Variants in OLFM3 observed in about 807,000 individuals in gnomAD.
OLFM3 encodes noelin-3.
In OLFM3, 20 loss-of-function variants were observed where a neutral mutation model predicts 48.6. The observed-to-expected ratio is 0.41, with a 90% CI of 0.29 to 0.60. OLFM3 has a LOEUF of 0.60. Ranked by LOEUF, OLFM3 falls within the 20% of genes least tolerant of loss-of-function variation. The probability of loss-of-function intolerance (pLI) is 0.28; values close to 1 mark genes in which losing one functional copy is unlikely to be tolerated. For missense variants in OLFM3, 437 were observed against 544.3 expected (o/e 0.80, Z 1.96); for synonymous variants, 222 against 198.1 (o/e 1.12, Z -1.01).
chr1:101,823,740 T>G (rs778344063), intron 4 of OLFM3, among the ~76,000 whole-genome samples: 13 of 152,052 alleles, frequency 8.5e-5, no homozygotes, highest in Non-Finnish European at 1.6e-4. Flanking sequence ...CTATTATATA[T>G]AGTTGATTGT....
chr1:101,856,886 A>G (rs1009970825), intron 1 of OLFM3, among the ~76,000 whole-genome samples: 3 of 152,004 alleles, frequency 2.0e-5, no homozygotes, highest in African/African-American at 7.3e-5. Flanking sequence ...AAGTACCTAT[A>G]GGGATATAAT....
At position 101,812,383 on chromosome 1, in the gene OLFM3, C is replaced by T. The variant is rs370699354; in HGVS notation, c.593-6201G>A. 5.2e-4 allele frequency: 511 copies of T among 977,210 alleles called. 5 individuals carry two copies. In the Middle Eastern group the frequency reaches 5.8e-3, roughly 11 times the overall value. 60.5% of individuals were successfully genotyped at this position (977,210 alleles called of 1,614,324 possible). The stretch of plus-strand genomic sequence containing the variant: ...TTCAAAGTGAAGTTTGATTTACCAG[C>T]GAAACTGCCTCCTATGGTATAGGTA... On this transcript the variant is annotated intron_variant, in intron 4 of 5. Transcript: ENST00000370103.
chr1:101,894,627 A>G (rs1324371550), intron 1 of OLFM3, among the ~76,000 whole-genome samples: 1 of 152,142 alleles, frequency 6.6e-6, no homozygotes, highest in Non-Finnish European at 1.5e-5. Context: ...TTAAAGAGAA[A>G]TAGAGTATTT....
At chr1:101,913,587 T>C (rs2101030675) in intron 1 of OLFM3, among the ~76,000 whole-genome samples, 1 of 152,138 alleles carries the variant, frequency 6.6e-6, no homozygotes, top group African/African-American at 2.4e-5. Flanking sequence ...ATGTTAACAT[T>C]TGAGGTATTT....
chr1:101,843,670 CT>C (rs1208718870), intron 1 of OLFM3, among the ~76,000 whole-genome samples: 1 of 152,170 alleles, frequency 6.6e-6, no homozygotes, highest in Non-Finnish European at 1.5e-5. Context: ...TTTAAAACCC[CT>C]TTCAGCTTTT....
chr1:101,984,483 G>A (rs1001373290), intron 1 of OLFM3, among the ~76,000 whole-genome samples: 17 of 152,048 alleles, frequency 1.1e-4, no homozygotes, highest in Non-Finnish European at 2.4e-4. Context: ...CTGCACCTCC[G>A]CATCCCAGGG....
chr1:101,807,006 T>TA (rs967614352), intron 4 of OLFM3, among the ~76,000 whole-genome samples: 3 of 151,804 alleles, frequency 2.0e-5, no homozygotes, highest in Non-Finnish European at 2.9e-5. Flanking sequence ...TGTGAGATTT[T>TA]AAAAAAAGAT....
intron 1 of OLFM3, among the ~76,000 whole-genome samples, chr1:101,861,981 G>T (rs776200444): frequency 7.4e-4 from 112 of 152,170 alleles, no homozygotes; most frequent in Non-Finnish European, 1.4e-3. Flanking sequence ...TTAAAAATAG[G>T]ATTGGGGGAA....
At chr1:101,830,949 C>T (rs1312033136) in intron 2 of OLFM3, 122 bp from the exon 3 acceptor site, 11 of 715,700 alleles carry the variant, frequency 1.5e-5, no homozygotes, top group Non-Finnish European at 4.6e-6. Context: ...ACTGGGTTCC[C>T]ATATGACACA....
intron 1 of OLFM3, among the ~76,000 whole-genome samples, chr1:101,859,372 C>T (rs977667642): frequency 2.0e-5 from 3 of 151,886 alleles, no homozygotes; most frequent in East Asian, 1.9e-4. Context: ...GCCATTTCAG[C>T]GTCAGCATAA....
At chr1:101,912,656 G>A (rs1658799148) in intron 1 of OLFM3, among the ~76,000 whole-genome samples, 1 of 152,194 alleles carries the variant, frequency 6.6e-6, no homozygotes, top group Non-Finnish European at 1.5e-5. Context: ...TCATACGATT[G>A]AGGTACTTCA....
intron 1 of OLFM3, among the ~76,000 whole-genome samples, chr1:101,891,584 A>T (rs1443911003): frequency 6.6e-6 from 1 of 151,602 alleles, no homozygotes; most frequent in Non-Finnish European, 1.5e-5. Flanking sequence ...TTTTTCCCTT[A>T]GGTTCAAAAG....
chr1:101,846,064 A>T (rs2100941105), intron 1 of OLFM3, among the ~76,000 whole-genome samples: 1 of 152,322 alleles, frequency 6.6e-6, no homozygotes, highest in Non-Finnish European at 1.5e-5. Flanking sequence ...GTAAATTTCT[A>T]TTTCAAAAAA....
At chr1:101,919,824 G>T (rs147946342) in intron 1 of OLFM3, among the ~76,000 whole-genome samples, 1 of 152,098 alleles carries the variant, frequency 6.6e-6, no homozygotes, top group Non-Finnish European at 1.5e-5. Context: ...TGTCCAGTTG[G>T]ATCTCCAGGA....
chr1:101,890,903 T>C (rs896648146), intron 1 of OLFM3, among the ~76,000 whole-genome samples: 11 of 152,004 alleles, frequency 7.2e-5, no homozygotes, highest in Admixed American at 2.6e-4. Flanking sequence ...GAATTAACAC[T>C]GTTGGAAAAA....
At chr1:101,927,395 T>G (rs183459046) in intron 1 of OLFM3, among the ~76,000 whole-genome samples, 1 of 152,174 alleles carries the variant, frequency 6.6e-6, no homozygotes, top group Non-Finnish European at 1.5e-5. Flanking sequence ...GAGGAAGACT[T>G]GTCACATCAC....
chr1:101,964,791 T>C (rs1660564442), intron 1 of OLFM3, among the ~76,000 whole-genome samples: 1 of 152,202 alleles, frequency 6.6e-6, no homozygotes, highest in Admixed American at 6.5e-5. Flanking sequence ...CATGAAAGTA[T>C]ACAGGAGAAA....
chr1:101,993,387 C>T (rs895112847), intron 1 of OLFM3, among the ~76,000 whole-genome samples: 1 of 152,084 alleles, frequency 6.6e-6, no homozygotes, highest in South Asian at 2.1e-4. Flanking sequence ...CACAGAGATG[C>T]CATCTAGCAG....
intron 1 of OLFM3, among the ~76,000 whole-genome samples, chr1:101,959,107 AC>A (rs1443512961): frequency 6.6e-6 from 1 of 151,806 alleles, no homozygotes; most frequent in African/African-American, 2.4e-5. Context: ...TAAAATAGTT[AC>A]AAAACTTTTG....
Sources: allele counts gnomAD v4.1 joint callset (sites outside exome capture counted in the v4.1 genomes callset), GRCh38; gene constraint gnomAD v4.1.1; transcripts MANE v1.5; gene names NCBI Gene and HGNC (gene_info 2026-07-23, HGNC 2026-07-21).